PDE10A: variants seen among roughly 807,000 people sequenced by gnomAD.
The protein encoded by PDE10A is cAMP and cAMP-inhibited cGMP 3',5'-cyclic phosphodiesterase 10A.
Under a neutral mutation model 97.7 loss-of-function variants are expected in PDE10A, and 39 were observed. The observed-to-expected ratio is 0.40, with a 90% CI of 0.31 to 0.52. The LOEUF is 0.52. PDE10A is among the 20% of genes least tolerant of loss of function. The pLI is 0.56. For synonymous variants in PDE10A, 371 were observed against 376.8 expected (o/e 0.98, Z 0.18); for missense variants, 731 against 1,047.8 (o/e 0.70, Z 4.17).
intron 1 of PDE10A, among the ~76,000 whole-genome samples, chr6:165,892,823 C>A (rs528262859): frequency 9.8e-5 from 15 of 152,314 alleles, no homozygotes; most frequent in African/African-American, 3.6e-4. Flanking sequence ...GGGTCTTGGG[C>A]AATCATTCTG....
At chr6:165,970,340 G>A (rs1343645181) in intron 1 of PDE10A, among the ~76,000 whole-genome samples, 2 of 152,178 alleles carry the variant, frequency 1.3e-5, no homozygotes, top group Non-Finnish European at 2.9e-5. Flanking sequence ...TGGTAGAGAT[G>A]TATCACGATT....
chr6:165,594,427 G>A (rs957609898), intron 1 of PDE10A, among the ~76,000 whole-genome samples: 1 of 152,092 alleles, frequency 6.6e-6, no homozygotes. Context: ...GTACAAAAAA[G>A]AATAGAAATG....
rs117707779 is a variant in PDE10A at position 165,836,610 on chromosome 6, C to T, written c.-615+150919G>A. 1.9e-3 allele frequency among the ~76,000 whole-genome samples: 290 copies of T among 152,324 alleles called. 3 individuals carry two copies. The East Asian group carries it at 0.042, about 22-fold the overall frequency. On this transcript the variant is annotated intron_variant, in intron 1 of 19. Transcript: ENST00000366882. Reference sequence around the variant, plus strand: ...ATGGGTCATTCAGAGAATCCTGCCTCGGGGCAGTGACCTCTGCGGTCAGTG... The same window carrying T: ...ATGGGTCATTCAGAGAATCCTGCCTTGGGGCAGTGACCTCTGCGGTCAGTG...
chr6:165,349,387 T>TG (rs982532380), intron 18 of PDE10A, among the ~76,000 whole-genome samples: 1 of 130,852 alleles, frequency 7.6e-6, no homozygotes, highest in African/African-American at 3.3e-5. Context: ...AAGAGACTGG[T>TG]GGCATGTTGC....
At chr6:165,722,773 C>T (rs978041034) in intron 1 of PDE10A, among the ~76,000 whole-genome samples, 2 of 152,096 alleles carry the variant, frequency 1.3e-5, no homozygotes, top group Non-Finnish European at 2.9e-5. Flanking sequence ...GTTCCTGCTA[C>T]TGAGCCTGCG....
At chr6:165,564,747 A>G (rs533051732) in intron 1 of PDE10A, among the ~76,000 whole-genome samples, 2 of 152,216 alleles carry the variant, frequency 1.3e-5, no homozygotes, top group African/African-American at 2.4e-5. Flanking sequence ...CACCGAATAC[A>G]TCTTACTTTA....
At chr6:165,449,202 C>T (rs911639074) in intron 4 of PDE10A, among the ~76,000 whole-genome samples, 2 of 152,148 alleles carry the variant, frequency 1.3e-5, no homozygotes, top group African/African-American at 4.8e-5. Context: ...AGACGATATG[C>T]TCAAATGCAT....
intron 18 of PDE10A, among the ~76,000 whole-genome samples, chr6:165,367,544 C>T (rs1321660021): frequency 1.3e-5 from 2 of 151,622 alleles, no homozygotes; most frequent in Non-Finnish European, 1.5e-5. Context: ...AATCAGCAGC[C>T]CACAGACCCA....
intron 1 of PDE10A, among the ~76,000 whole-genome samples, chr6:165,925,701 T>G (rs1195127952): frequency 6.6e-6 from 1 of 152,128 alleles, no homozygotes; most frequent in Non-Finnish European, 1.5e-5. Context: ...AACAGATTAG[T>G]GGTTGTCAGA....
intron 3 of PDE10A, among the ~76,000 whole-genome samples, chr6:165,453,336 A>C (rs1194648436): frequency 1.3e-5 from 2 of 152,228 alleles, no homozygotes; most frequent in Non-Finnish European, 2.9e-5. Flanking sequence ...TAGCAGAACA[A>C]ACCAAGGGTT....
intron 1 of PDE10A, among the ~76,000 whole-genome samples, chr6:165,983,202 A>G (rs1314601305): frequency 1.3e-5 from 2 of 152,238 alleles, no homozygotes; most frequent in Non-Finnish European, 2.9e-5. Flanking sequence ...GGCCGGATCT[A>G]TTAAGGTCAG....
intron 1 of PDE10A, among the ~76,000 whole-genome samples, chr6:165,611,032 C>T (rs1415840683): frequency 6.6e-6 from 1 of 151,700 alleles, no homozygotes; most frequent in African/African-American, 2.4e-5. Flanking sequence ...TATTCCTAGC[C>T]CTTGCTTCTG....
At chr6:165,427,680 ACAT>A (rs1244743411) in intron 10 of PDE10A, among the ~76,000 whole-genome samples, 1 of 152,138 alleles carries the variant, frequency 6.6e-6, no homozygotes, top group African/African-American at 2.4e-5. Flanking sequence ...TTTTAAAAGA[ACAT>A]ATTAATAATA....
At chr6:165,566,726 C>T (rs553784448) in intron 1 of PDE10A, among the ~76,000 whole-genome samples, 60 of 152,206 alleles carry the variant, frequency 3.9e-4, no homozygotes, top group African/African-American at 1.3e-3. Flanking sequence ...TGCTAAAGGG[C>T]TTTGCTTAGG....
intron 10 of PDE10A, among the ~76,000 whole-genome samples, chr6:165,427,013 C>A (rs1324207136): frequency 6.6e-6 from 1 of 152,030 alleles, no homozygotes; most frequent in African/African-American, 2.4e-5. Context: ...TGCACAGCTG[C>A]TGGGAATGAA....
intron 1 of PDE10A, among the ~76,000 whole-genome samples, chr6:165,754,582 G>A (rs987682853): frequency 2.0e-5 from 3 of 152,008 alleles, no homozygotes; most frequent in East Asian, 1.9e-4. Flanking sequence ...ATATATATAT[G>A]TGTGTGTATG....
At chr6:165,901,968 TC>T (rs1248297436) in intron 1 of PDE10A, among the ~76,000 whole-genome samples, 1 of 152,242 alleles carries the variant, frequency 6.6e-6, no homozygotes, top group Non-Finnish European at 1.5e-5. Context: ...CATTCCATTG[TC>T]CAAGTTGCTT....
chr6:165,518,611 T>A (rs1781954830), intron 2 of PDE10A, among the ~76,000 whole-genome samples: 1 of 152,172 alleles, frequency 6.6e-6, no homozygotes, highest in Admixed American at 6.5e-5. Flanking sequence ...ATGCTGGCAA[T>A]TCAGATACAC....
intron 10 of PDE10A, among the ~76,000 whole-genome samples, chr6:165,427,071 A>G (rs1789216615): frequency 6.6e-6 from 1 of 152,110 alleles, no homozygotes; most frequent in Non-Finnish European, 1.5e-5. Flanking sequence ...CAAAAAGTGA[A>G]ACATAGAACT....
Sources: allele counts gnomAD v4.1 joint callset (sites outside exome capture counted in the v4.1 genomes callset), GRCh38; gene constraint gnomAD v4.1.1; transcripts MANE v1.5; gene names NCBI Gene and HGNC (gene_info 2026-07-23, HGNC 2026-07-21).